Variants in SEPTIN9 observed in about 807,000 individuals in gnomAD.
SEPTIN9 encodes the protein septin 9, also known as septin-9.
In SEPTIN9, 13 loss-of-function variants were observed where a neutral mutation model predicts 56.6. The observed-to-expected ratio is 0.23, with a 90% CI of 0.15 to 0.37. SEPTIN9 has a LOEUF of 0.37. Among genes scored for constraint, SEPTIN9 ranks in the 10% least tolerant of loss-of-function variants. SEPTIN9 has a pLI of 1.00. For synonymous variants in SEPTIN9, 332 were observed against 334.1 expected, an observed-to-expected ratio of 0.99 and a Z score of 0.07; for missense variants, 650 against 823.1, an observed-to-expected ratio of 0.79 and a Z score of 2.57.
chr17:77,413,932 A>G (rs2036393826), intron 3 of SEPTIN9, among the ~76,000 whole-genome samples: 1 of 144,878 alleles, frequency 6.9e-6, no homozygotes, highest in Admixed American at 6.7e-5. Flanking sequence ...TGCTACACTC[A>G]GTATTTTCTT....
At position 77,367,230 on chromosome 17, in the gene SEPTIN9, C is replaced by T. The variant is rs965037969; in HGVS notation, c.77-34829C>T. On this transcript the variant is annotated intron_variant, in intron 2 of 11. Coordinates refer to ENST00000427177, the MANE Select transcript of SEPTIN9 (RefSeq NM_001113491.2). The surrounding 1 kb of genome is among the most constrained non-coding windows in gnomAD (Gnocchi z 4.5). Reference sequence around the variant, plus strand: ...GGTGATGTAAAGAGAGAAGGGGTTCCGGGGGCTTGGCCCAGGTGGAAACCA... The same window carrying T: ...GGTGATGTAAAGAGAGAAGGGGTTCTGGGGGCTTGGCCCAGGTGGAAACCA... Among the ~76,000 whole-genome samples the T allele has an allele frequency of 9.9e-5, 15 of 152,158 alleles. No homozygotes were observed. The highest frequency in any genetic ancestry group is 3.1e-4 in the African/African-American group (13 of 41,428).
chr17:77,440,106 A>G (rs1346382597), intron 3 of SEPTIN9, among the ~76,000 whole-genome samples: 1 of 152,120 alleles, frequency 6.6e-6, no homozygotes, highest in Non-Finnish European at 1.5e-5. Flanking sequence ...TAACTGGCAC[A>G]TTGCGACAAA....
At chr17:77,401,449 CAA>C (rs1033374531) in intron 2 of SEPTIN9, among the ~76,000 whole-genome samples, 3 of 152,032 alleles carry the variant, frequency 2.0e-5, no homozygotes, top group African/African-American at 4.8e-5. Context: ...ACAGCCGCGA[CAA>C]GAAGGAAATC....
intron 11 of SEPTIN9, 46 bp downstream of exon 11, chr17:77,497,412 G>A (rs750636585): frequency 2.5e-6 from 4 of 1,583,728 alleles, no homozygotes; most frequent in Non-Finnish European, 8.7e-7. Flanking sequence ...TCACCCCTAA[G>A]AGGGCCCTAC....
intron 2 of SEPTIN9, among the ~76,000 whole-genome samples, chr17:77,356,406 G>C (rs1304741102): frequency 1.3e-5 from 2 of 151,832 alleles, no homozygotes; most frequent in South Asian, 2.1e-4. Context: ...CGGGTTGAGT[G>C]TAACTCCCAG....
At chr17:77,482,568 T>A (rs765456428) in intron 4 of SEPTIN9, 8 of 694,344 alleles carry the variant, frequency 1.2e-5, no homozygotes, top group South Asian at 1.0e-4. Context: ...GCCCCTGAGA[T>A]GACTTTGGGG....
chr17:77,391,488 A>G (rs1039887103), intron 2 of SEPTIN9, among the ~76,000 whole-genome samples: 2 of 152,110 alleles, frequency 1.3e-5, no homozygotes. Context: ...GTCTTTTATA[A>G]AGATGCTCAC....
At chr17:77,468,755 A>G (rs1218294285) in intron 3 of SEPTIN9, among the ~76,000 whole-genome samples, 1 of 152,144 alleles carries the variant, frequency 6.6e-6, no homozygotes, top group Non-Finnish European at 1.5e-5. Context: ...AGATTAGTAA[A>G]TTTTACACAC....
At position 77,425,837 on chromosome 17, in the gene SEPTIN9, G is replaced by A. The variant is rs1203073880; in HGVS notation, c.721+23134G>A. Among the ~76,000 whole-genome samples the A allele has an allele frequency of 6.6e-6, 1 of 152,202 alleles. No individual in the cohort carries two copies. The highest frequency in any genetic ancestry group is 1.5e-5 in the Non-Finnish European group (1 of 68,042). On this transcript the variant is annotated intron_variant, in intron 3 of 11. Coordinates refer to ENST00000427177, the MANE Select transcript of SEPTIN9 (RefSeq NM_001113491.2). The surrounding 1 kb of genome is among the most constrained non-coding windows in gnomAD (Gnocchi z 4.2). ...GAAGTCACAAGGTTGGCCCAGCTGT[G>A]TCTGACCCTGGTTGTGCGGTCTTGG...
chr17:77,381,296 C>T (rs2035133144), intron 2 of SEPTIN9, among the ~76,000 whole-genome samples: 1 of 152,204 alleles, frequency 6.6e-6, no homozygotes, highest in South Asian at 2.1e-4. Flanking sequence ...TAGCCTCTCC[C>T]CTCCCCCAGG....
rs925915338 is a variant in SEPTIN9, at chr17:77,433,754, G to A, written c.721+31051G>A. Among the ~76,000 whole-genome samples the A allele has an allele frequency of 6.6e-6, 1 of 152,130 alleles. No individual in the cohort carries two copies. Among genetic ancestry groups the A allele is most frequent in the Non-Finnish European group, 1.5e-5 (1 of 68,024 alleles). On this transcript the variant is annotated intron_variant, in intron 3 of 11. Transcript: ENST00000427177. The surrounding 1 kb of genome is among the most constrained non-coding windows in gnomAD (Gnocchi z 6.4). ...CACCTCCCGAACCCCCGTTCCCTGT[G>A]AGTTAGATGGGGAGTGCACCCCTGC...
chr17:77,307,212 C>T lies in SEPTIN9; in HGVS notation c.76+15C>T, dbSNP rs2032306105. On this transcript the variant is annotated intron_variant, in intron 2 of 11. Transcript: ENST00000427177. ...CAGTGGCCCAGGTAGGTGGCTCGCT[C>T]CGCTCTGGCCCCACCCAGCTCATGG... 3.1e-6 allele frequency: 5 copies of T among 1,612,146 alleles called. No individual in the cohort carries two copies. Among genetic ancestry groups the T allele is most frequent in the Non-Finnish European group, 4.2e-6 (5 of 1,178,532 alleles).
chr17:77,323,167 G>C lies in SEPTIN9; in HGVS notation c.76+15970G>C, dbSNP rs1000132558. Among the ~76,000 whole-genome samples, 8 of 152,118 alleles carry C rather than the reference G, an allele frequency of 5.3e-5. No individual in the cohort carries two copies. Among genetic ancestry groups the C allele is most frequent in the Non-Finnish European group, 1.2e-4 (8 of 68,018 alleles). On this transcript the variant is annotated intron_variant, in intron 2 of 11. Transcript: ENST00000427177. The surrounding 1 kb of genome is among the most constrained non-coding windows in gnomAD (Gnocchi z 6.8). ...GGTCTGGTTTGTGAACGGGGGCCTG[G>C]GTACTCTCCCGCCCTCCCTGGGGGC...
chr17:77,399,920 C>T (rs1205335342), intron 2 of SEPTIN9, among the ~76,000 whole-genome samples: 1 of 152,162 alleles, frequency 6.6e-6, no homozygotes, highest in Non-Finnish European at 1.5e-5. Flanking sequence ...ATGGCTGGAC[C>T]CATAGGCGAA....
chr17:77,314,341 C>CTTT (rs33986509), intron 2 of SEPTIN9, among the ~76,000 whole-genome samples: 202 of 67,950 alleles, frequency 3.0e-3, no homozygotes, highest in African/African-American at 4.5e-3. Context: ...TGTGCCTGGA[C>CTTT]TTTTTTTTTT....
chr17:77,319,802 CTG>C lies in SEPTIN9; in HGVS notation c.76+12608_76+12609del, dbSNP rs1020555194. ...TTTGGAAGTCGTCAGGAATTTGACTCTGTGAGTTGGTTTCCAAGAGTCTAAGT... is the reference window on the plus strand; with the variant it reads ...TTTGGAAGTCGTCAGGAATTTGACTCTGAGTTGGTTTCCAAGAGTCTAAGT... On this transcript the variant is annotated intron_variant, in intron 2 of 11. Transcript: ENST00000427177. This position sits in a 1 kb window ranked among gnomAD's most constrained non-coding sequence, Gnocchi z 5.3. 3.5e-5 allele frequency: 38 copies of C among 1,075,564 alleles called. No individual in the cohort carries two copies. In the Admixed American group the frequency reaches 1.9e-3, roughly 53 times the overall value. The allele number at this position is 1,075,564 out of a possible 1,614,324, so 66.6% of individuals were successfully genotyped here. A position where few individuals can be genotyped will look rare whatever the true frequency, so the allele number is the denominator to read the frequency against.
chr17:77,426,675 T>A (rs986283770), intron 3 of SEPTIN9, among the ~76,000 whole-genome samples: 1 of 152,176 alleles, frequency 6.6e-6, no homozygotes, highest in African/African-American at 2.4e-5. Context: ...AGCGCTGCCA[T>A]CTTGGAGAGG....
In SEPTIN9 at chr17:77,317,647, CATT is replaced by C. The variant is rs1476513881; in HGVS notation, c.76+10453_76+10455del. ...ATTATGGTGAGTTGTATAATTATCT[CATT>C]ATATATTATAATAATAATAGAAATA... is the stretch of plus-strand genomic sequence containing the variant. On this transcript the variant is annotated intron_variant, in intron 2 of 11. Transcript: ENST00000427177. This position sits in a 1 kb window ranked among gnomAD's most constrained non-coding sequence, Gnocchi z 4.2. Among the ~76,000 whole-genome samples the C allele has an allele frequency of 2.6e-5, 4 of 152,098 alleles. No individual in the cohort carries two copies. The highest frequency in any genetic ancestry group is 5.9e-5 in the Non-Finnish European group (4 of 68,038).
chr17:77,290,445 G>C (rs2031490049), intron 1 of SEPTIN9, among the ~76,000 whole-genome samples: 1 of 151,568 alleles, frequency 6.6e-6, no homozygotes, highest in Admixed American at 6.6e-5. Context: ...TTTTTTAGTA[G>C]AGGCGGGGTT....
Sources: allele counts gnomAD v4.1 joint callset (sites outside exome capture counted in the v4.1 genomes callset), GRCh38; gene constraint gnomAD v4.1.1; non-coding constraint Gnocchi (gnomAD v3.1); transcripts MANE v1.5; gene names NCBI Gene and HGNC (gene_info 2026-07-23, HGNC 2026-07-21).